Variants in PCDHA10 observed in about 807,000 individuals in gnomAD.
PCDHA10 encodes protocadherin alpha 10.
In PCDHA10, 45 loss-of-function variants were observed where a neutral mutation model predicts 61.2. That is an observed-to-expected ratio of 0.74 (90% CI 0.58 to 0.94). The LOEUF (loss-of-function observed/expected upper bound fraction) is 0.94. Ranked by LOEUF, PCDHA10 falls within the 40% of genes least tolerant of loss-of-function variation. PCDHA10 has a pLI of 0.00. For missense variants in PCDHA10, 1,278 were observed against 1,236.2 expected, an observed-to-expected ratio of 1.03 and a Z score of -0.51; for synonymous variants, 602 against 548.8, an observed-to-expected ratio of 1.10 and a Z score of -1.35.
rs1377792748 is a variant in PCDHA10 at position 140,968,353 on chromosome 5, C to T, written c.2389-10596C>T. ...ATGTCTCCATTAACAGTGCCAGTGGCAGCCTTTATGCTGTCAACTCCTTTG... is the reference window on the plus strand; with the variant it reads ...ATGTCTCCATTAACAGTGCCAGTGGTAGCCTTTATGCTGTCAACTCCTTTG... On this transcript the variant is annotated intron_variant, in intron 1 of 3. Coordinates refer to ENST00000307360, the MANE Select transcript of PCDHA10 (RefSeq NM_018901.4). 1.9e-6 allele frequency: 3 copies of T among 1,613,988 alleles called. No individual in the cohort carries two copies. In the African/African-American group the frequency reaches 4.0e-5, roughly 22 times the overall value.
chr5:140,869,312 C>G (rs782161322), intron 1 of PCDHA10: 14 of 1,613,636 alleles, frequency 8.7e-6, no homozygotes, highest in Admixed American at 3.3e-5. Flanking sequence ...GCGTCCAAAA[C>G]ACATGGGGAC....
At chr5:141,001,220 G>T (rs1554258038) in intron 3 of PCDHA10, among the ~76,000 whole-genome samples, 1 of 152,116 alleles carries the variant, frequency 6.6e-6, no homozygotes, top group African/African-American at 2.4e-5. Flanking sequence ...TATAAGGATA[G>T]TTACATTTAA....
chr5:140,964,079 G>A (rs1209152794), intron 1 of PCDHA10, among the ~76,000 whole-genome samples: 3 of 152,178 alleles, frequency 2.0e-5, no homozygotes, highest in African/African-American at 7.2e-5. Flanking sequence ...GTTAATATTT[G>A]TAGAAAGGGT....
At chr5:140,974,165 G>A (rs1298109600) in intron 1 of PCDHA10, among the ~76,000 whole-genome samples, 1 of 152,164 alleles carries the variant, frequency 6.6e-6, no homozygotes, top group Admixed American at 6.5e-5. Flanking sequence ...TTTCTTTCAA[G>A]AATTTTAACT....
intron 1 of PCDHA10, chr5:140,876,054 A>C: frequency 6.2e-7 from 1 of 1,613,940 alleles, no homozygotes; most frequent in Non-Finnish European, 8.5e-7. Context: ...TGCCTGAATT[A>C]GTTCTTCGGA....
intron 1 of PCDHA10, chr5:140,869,583 T>G: frequency 6.2e-7 from 1 of 1,614,152 alleles, no homozygotes; most frequent in Non-Finnish European, 8.5e-7. Flanking sequence ...CTTCTGATGC[T>G]GACATTGAAG....
intron 1 of PCDHA10, chr5:140,870,851 C>A: frequency 6.2e-7 from 1 of 1,613,838 alleles, no homozygotes; most frequent in Non-Finnish European, 8.5e-7. Flanking sequence ...GTACCGCGGT[C>A]GGTGGGTGCG....
chr5:140,942,589 T>G (rs1444015331), intron 1 of PCDHA10, among the ~76,000 whole-genome samples: 1 of 148,934 alleles, frequency 6.7e-6, no homozygotes, highest in Non-Finnish European at 1.5e-5. Flanking sequence ...GGATGTCACA[T>G]ATAATTATAG....
In PCDHA10 at chr5:141,010,490, A is replaced by C; in HGVS notation, c.*553A>C. 1.6e-6 allele frequency: 1 copy of C among 640,034 alleles called. No individual in the cohort carries two copies. The highest frequency in any genetic ancestry group is 2.4e-6 in the Non-Finnish European group (1 of 411,150). The allele number at this position is 640,034 out of a possible 1,614,324, so 39.6% of individuals were successfully genotyped here. On this transcript the variant is annotated 3_prime_UTR_variant, in exon 4 of 4. Coordinates refer to ENST00000307360, the MANE Select transcript of PCDHA10 (RefSeq NM_018901.4). ...GGAGGGGAAGTGTAAACTTAAAGGG[A>C]CCAGACTTTCTAAATCTTACAACTC...
intron 1 of PCDHA10, among the ~76,000 whole-genome samples, chr5:140,892,823 C>T (rs1554185387): frequency 6.6e-6 from 1 of 152,120 alleles, no homozygotes; most frequent in East Asian, 1.9e-4. Context: ...TCCTACAGTG[C>T]TACAGTGCTG....
At chr5:140,997,116 C>A (rs1554255739) in intron 3 of PCDHA10, among the ~76,000 whole-genome samples, 1 of 152,054 alleles carries the variant, frequency 6.6e-6, no homozygotes, top group Non-Finnish European at 1.5e-5. Context: ...CCTGCTCTCC[C>A]ACATACACAA....
chr5:140,887,972 A>C (rs1169769147), intron 1 of PCDHA10, among the ~76,000 whole-genome samples: 1 of 152,114 alleles, frequency 6.6e-6, no homozygotes, highest in Non-Finnish European at 1.5e-5. Context: ...TCTCTTTTAA[A>C]ATTTATTTTA....
intron 3 of PCDHA10, among the ~76,000 whole-genome samples, chr5:141,006,017 G>A (rs139294218): frequency 1.3e-5 from 2 of 151,190 alleles, no homozygotes; most frequent in African/African-American, 4.8e-5. Context: ...TATGGTTGGA[G>A]TATAATAGTA....
At chr5:140,884,440 G>A in intron 1 of PCDHA10, 1 of 1,613,830 alleles carries the variant, frequency 6.2e-7, no homozygotes, top group Non-Finnish European at 8.5e-7. Flanking sequence ...TGCGGTGCTC[G>A]GCACCGCCCA....
At chr5:140,906,041 A>T (rs1257569280) in intron 1 of PCDHA10, among the ~76,000 whole-genome samples, 1 of 152,128 alleles carries the variant, frequency 6.6e-6, no homozygotes, top group Non-Finnish European at 1.5e-5. Context: ...GTCTGCTTTT[A>T]TTCTGGCTGC....
At chr5:140,868,636 TCTCA>T (rs1554162146) in intron 1 of PCDHA10, 1 of 156,044 alleles carries the variant, frequency 6.4e-6, no homozygotes, top group East Asian at 1.9e-4. Flanking sequence ...TCTCTTTCTC[TCTCA>T]CTCTGTGTAT....
chr5:140,870,317 C>T (rs782216904), intron 1 of PCDHA10: 9 of 1,614,198 alleles, frequency 5.6e-6, no homozygotes, highest in South Asian at 2.2e-5. Flanking sequence ...AATTACTACT[C>T]GTTGGTGCTG....
intron 1 of PCDHA10, among the ~76,000 whole-genome samples, chr5:140,970,416 G>A (rs536181177): frequency 2.4e-4 from 36 of 152,326 alleles, no homozygotes; most frequent in African/African-American, 8.2e-4. Context: ...CTACAGTAAG[G>A]TGTAGAGGCA....
At chr5:140,952,721 G>A (rs781821007) in intron 1 of PCDHA10, among the ~76,000 whole-genome samples, 1 of 152,100 alleles carries the variant, frequency 6.6e-6, no homozygotes, top group Non-Finnish European at 1.5e-5. Context: ...TCAATTTTCT[G>A]TACTAGTCTT....
Sources: allele counts gnomAD v4.1 joint callset (sites outside exome capture counted in the v4.1 genomes callset), GRCh38; gene constraint gnomAD v4.1.1; transcripts MANE v1.5; gene names NCBI Gene and HGNC (gene_info 2026-07-23, HGNC 2026-07-21).